UNK: variants seen among roughly 807,000 people sequenced by gnomAD.
UNK encodes the protein unk zinc finger.
A neutral mutation model predicts 97.6 loss-of-function variants in UNK; 32 were observed. The observed-to-expected ratio is 0.33, with a 90% CI of 0.25 to 0.44. The LOEUF is 0.44. Among genes scored for constraint, UNK ranks in the 20% least tolerant of loss-of-function variants. The pLI is 1.00. For missense variants in UNK, 771 were observed against 1,098.4 expected (o/e 0.70, Z 4.21); for synonymous variants, 441 against 461.2 (o/e 0.96, Z 0.56).
At position 75,802,242 on chromosome 17, in the gene UNK, CTTTTTTTTTTTTTTT is replaced by C. The variant is rs56221993; in HGVS notation, c.105-7498_105-7484del. ...TGATGGATTTTTTCAGCACAGATGT[CTTTTTTTTTTTTTTT>C]TTTTTTTTTTTTTTTTTTTGAGACA... On this transcript the variant is annotated intron_variant, in intron 1 of 15. Transcript: ENST00000589666. 7.2e-4 allele frequency among the ~76,000 whole-genome samples: 34 copies of C among 47,258 alleles called. 1 individual carries two copies. Among genetic ancestry groups the C allele is most frequent in the African/African-American group, 2.7e-3 (30 of 11,072 alleles). The allele number at this position is 47,258 out of a possible 152,430, so 31.0% of individuals were successfully genotyped here. A position where few individuals can be genotyped will look rare whatever the true frequency, so the allele number is the denominator to read the frequency against.
At position 75,818,092 on chromosome 17, in the gene UNK, TTC is replaced by T. The variant is rs1304374651; in HGVS notation, c.1306-4_1306-3del. On this transcript the variant is annotated splice_polypyrimidine_tract_variant and intron_variant, in intron 9 of 15. Coordinates refer to ENST00000589666, the MANE Select transcript of UNK (RefSeq NM_001080419.3). This position sits in a 1 kb window ranked among gnomAD's most constrained non-coding sequence, Gnocchi z 5.1. ...ACCACATTCATCCACTCCCTGAATT[TTC>T]TCTCTCAGGCCAAATTAAAACCCCA... The T allele has an allele frequency of 2.5e-6, 4 of 1,612,790 alleles. No homozygotes were observed. The highest frequency in any genetic ancestry group is 2.2e-5 in the East Asian group (1 of 44,848).
chr17:75,823,410 C>A lies in UNK; in HGVS notation c.2165C>A (p.Ala722Glu), dbSNP rs746197007. ...CAGGAGGAGCTGGAGCGGCTACACGCGGGGCCTGAGCCCCAGGCCCTGCCC... is the reference window on the plus strand; with the variant it reads ...CAGGAGGAGCTGGAGCGGCTACACGAGGGGCCTGAGCCCCAGGCCCTGCCC... Reference protein sequence around the residue: ...KLQEELERLHAGPEPQALPAF... With the variant: ...KLQEELERLHEGPEPQALPAF... Residue 722 changes from alanine (A) to glutamate (E), a missense_variant, in exon 15 of 16, where the codon GCG becomes GAG. Ala to Glu is a moderately radical substitution (Grantham distance 107). This residue lies in a region of UNK where 208 missense variants were observed against 257.4 expected (regional missense o/e 0.81). Coordinates refer to ENST00000589666, the MANE Select transcript of UNK (RefSeq NM_001080419.3). 10 of 1,602,808 alleles carry A rather than the reference C, an allele frequency of 6.2e-6. No individual in the cohort carries two copies. Among genetic ancestry groups the A allele is most frequent in the Non-Finnish European group, 8.5e-6 (10 of 1,174,482 alleles).
chr17:75,799,947 C>CT, intron 1 of UNK, among the ~76,000 whole-genome samples: 1 of 152,204 alleles, frequency 6.6e-6, no homozygotes, highest in South Asian at 2.1e-4. Context: ...AGCGAGCCCC[C>CT]TTTCTCCACA....
In UNK at chr17:75,818,720, A is replaced by AC. The variant is rs751693027; in HGVS notation, c.1457dup (p.Ser487Ter). 7 of 1,611,664 alleles carry AC rather than the reference A, an allele frequency of 4.3e-6. No individual in the cohort carries two copies. The highest frequency in any genetic ancestry group is 1.7e-6 in the Non-Finnish European group (2 of 1,178,982). On this transcript the variant is annotated frameshift_variant, in exon 11 of 16. Transcript: ENST00000589666. LOFTEE classifies it high-confidence loss of function. This position sits in a 1 kb window ranked among gnomAD's most constrained non-coding sequence, Gnocchi z 5.1. ...TAGTATCACCTCCAGCCTGGCAGCT[A>AC]CCCCCCCTAGCCCAGTGGGCACCAG... is the stretch of plus-strand genomic sequence containing the variant.
chr17:75,812,744 G>A (rs1195262419), intron 4 of UNK, among the ~76,000 whole-genome samples, 159 bp downstream of exon 4: 4 of 152,224 alleles, frequency 2.6e-5, no homozygotes, highest in Non-Finnish European at 4.4e-5. Flanking sequence ...CTCTAGGGGC[G>A]TTTTCCCTGA....
intron 1 of UNK, among the ~76,000 whole-genome samples, chr17:75,800,862 G>A (rs1276947951): frequency 6.6e-6 from 1 of 152,112 alleles, no homozygotes; most frequent in Non-Finnish European, 1.5e-5. Flanking sequence ...CTGACTATAT[G>A]TGATGCTCAT....
chr17:75,822,365 C>A, intron 13 of UNK, 112 bp from the exon 14 acceptor site: 4 of 1,288,476 alleles, frequency 3.1e-6, no homozygotes, highest in Non-Finnish European at 4.2e-6. Context: ...CTAGCTGGAG[C>A]CTTGCACACC....
At chr17:75,808,336 G>C (rs539977831) in intron 1 of UNK, among the ~76,000 whole-genome samples, 1 of 152,324 alleles carries the variant, frequency 6.6e-6, no homozygotes, top group East Asian at 1.9e-4. Context: ...GAGGCTTCCA[G>C]ATTTCTGCCT....
chr17:75,791,500 A>G (rs1315305866), intron 1 of UNK, among the ~76,000 whole-genome samples: 1 of 152,226 alleles, frequency 6.6e-6, no homozygotes, highest in Non-Finnish European at 1.5e-5. Context: ...TTGCTGAGCA[A>G]CCTCAGTGAG....
intron 5 of UNK, 41 bp downstream of exon 5, chr17:75,813,254 G>T: frequency 1.3e-6 from 2 of 1,544,282 alleles, no homozygotes; most frequent in Non-Finnish European, 1.7e-6. Context: ...AGGGAGGAGT[G>T]GCAGGGAAGG....
rs1013203702 is a variant in UNK at position 75,825,257 on chromosome 17, C to T, written c.*840C>T. The T allele has an allele frequency of 1.3e-5, 2 of 152,178 alleles. No individual in the cohort carries two copies. The highest frequency in any genetic ancestry group is 4.8e-5 in the African/African-American group (2 of 41,434). The allele number at this position is 152,178 out of a possible 1,614,324, so 9.4% of individuals were successfully genotyped here. Reference sequence around the variant, plus strand: ...AAGAGCCTCCCTGGCCCCAGGGCCGCCTACCAGGCTGGTACTCATTCTATG... The same window carrying T: ...AAGAGCCTCCCTGGCCCCAGGGCCGTCTACCAGGCTGGTACTCATTCTATG... On this transcript the variant is annotated 3_prime_UTR_variant, in exon 16 of 16. Coordinates refer to ENST00000589666, the MANE Select transcript of UNK (RefSeq NM_001080419.3). This position sits in a 1 kb window ranked among gnomAD's most constrained non-coding sequence, Gnocchi z 4.4.
chr17:75,794,221 A>G, intron 1 of UNK: 2 of 946,810 alleles, frequency 2.1e-6, no homozygotes, highest in Non-Finnish European at 2.5e-6. Context: ...TATTTCAGCA[A>G]CTTATTTTAT....
At chr17:75,803,227 C>T (rs995340624) in intron 1 of UNK, among the ~76,000 whole-genome samples, 3 of 139,538 alleles carry the variant, frequency 2.1e-5, no homozygotes, top group African/African-American at 5.6e-5. Context: ...GGTGAAACCC[C>T]GTCTCTACTA....
rs183374997 is a variant in UNK, at chr17:75,817,321, C to T, written c.1105-5C>T. On this transcript the variant is annotated splice_region_variant and splice_polypyrimidine_tract_variant and intron_variant, in intron 8 of 15. Transcript: ENST00000589666. The surrounding 1 kb of genome is among the most constrained non-coding windows in gnomAD (Gnocchi z 5.8). ...GGGCCCACTCCCTCCCCTCCTTCTC[C>T]GCAGCTCCTCTGTAGAAACAGCAGC... The T allele has an allele frequency of 4.0e-5, 63 of 1,567,840 alleles. No individual in the cohort carries two copies. The East Asian group carries it at 5.9e-4, about 15-fold the overall frequency.
chr17:75,818,627 C>T lies in UNK; in HGVS notation c.1372-15C>T, dbSNP rs2062038178. ...AGGCCTACCATTGCTTCTCCTCTTC[C>T]CTCTCTCGTTGCAGGACATGCTGGG... On this transcript the variant is annotated splice_polypyrimidine_tract_variant and intron_variant, in intron 10 of 15. Transcript: ENST00000589666. The surrounding 1 kb of genome is among the most constrained non-coding windows in gnomAD (Gnocchi z 5.1). The T allele has an allele frequency of 1.3e-6, 2 of 1,578,686 alleles. No homozygotes were observed. The highest frequency in any genetic ancestry group is 1.7e-6 in the Non-Finnish European group (2 of 1,159,618).
intron 4 of UNK, 35 bp downstream of exon 4, chr17:75,812,620 A>T: frequency 6.2e-7 from 1 of 1,602,030 alleles, no homozygotes; most frequent in Non-Finnish European, 8.5e-7. Context: ...CGCCCTCCCT[A>T]TAATCCTGCT....
Position 75,822,562 on chromosome 17 carries a change from G to A in UNK, c.1923G>A (p.Gly641=). 1.2e-6 allele frequency: 2 copies of A among 1,613,540 alleles called. No individual in the cohort carries two copies. Among genetic ancestry groups the A allele is most frequent in the Non-Finnish European group, 1.7e-6 (2 of 1,179,820 alleles). Residue 641 remains glycine (G), a synonymous_variant, in exon 14 of 16, where the codon GGG becomes GGA. Transcript: ENST00000589666. The part of the protein sequence containing the change: ...SPGTSPAFLS[G]PGAAELARLR... ...GCACTTCCCCCGCTTTCCTATCAGG[G>A]CCAGGGGCTGCCGAGCTGGCCCGAC...
At position 75,817,917 on chromosome 17, in the gene UNK, A is replaced by G. The variant is rs959962658; in HGVS notation, c.1306-186A>G. Among the ~76,000 whole-genome samples the G allele has an allele frequency of 6.6e-6, 1 of 151,878 alleles. No homozygotes were observed. The highest frequency in any genetic ancestry group is 6.6e-5 in the Admixed American group (1 of 15,264). Reference sequence around the variant, plus strand: ...CTAGTGTCACCGGGAGGAGAAGGGCAGCTCCCTGCTTAGGGTAGGGGAAGG... The same window carrying G: ...CTAGTGTCACCGGGAGGAGAAGGGCGGCTCCCTGCTTAGGGTAGGGGAAGG... On this transcript the variant is annotated intron_variant, in intron 9 of 15. Transcript: ENST00000589666. The surrounding 1 kb of genome is among the most constrained non-coding windows in gnomAD (Gnocchi z 5.8).
chr17:75,803,900 G>C (rs182765339), intron 1 of UNK, among the ~76,000 whole-genome samples: 28 of 152,300 alleles, frequency 1.8e-4, no homozygotes, highest in Admixed American at 1.3e-3. Context: ...CTGCAGACTA[G>C]GTAATGTTTG....
Sources: gnomAD v4.1 joint callset for allele counts (sites outside exome capture counted in the v4.1 genomes callset) on GRCh38, gnomAD v4.1.1 for gene constraint, gnomAD v4.1.1 regional missense constraint, Gnocchi (gnomAD v3.1) non-coding constraint, MANE v1.5 for transcripts, NCBI Gene and HGNC (gene_info 2026-07-23, HGNC 2026-07-21) for gene names.